ZNF385D: variants seen among roughly 807,000 people sequenced by gnomAD.
ZNF385D encodes the protein zinc finger protein 385D.
In ZNF385D, 15 loss-of-function variants were observed where a neutral mutation model predicts 35.8. The observed-to-expected ratio is 0.42, with a 90% CI of 0.28 to 0.64. The LOEUF is 0.64. ZNF385D is among the 30% of genes least tolerant of loss of function. The pLI, the probability that ZNF385D is intolerant of heterozygous loss-of-function variation, is 0.23. For synonymous variants in ZNF385D, 212 were observed against 186.8 expected, an observed-to-expected ratio of 1.13 and a Z score of -1.10; for missense variants, 474 against 494.6, an observed-to-expected ratio of 0.96 and a Z score of 0.39.
chr3:21,822,238 A>T (rs930934081), intron 3 of ZNF385D, among the ~76,000 whole-genome samples: 6 of 151,552 alleles, frequency 4.0e-5, no homozygotes, highest in Non-Finnish European at 7.4e-5. Context: ...CGCCTGGCTA[A>T]TTTTTTTGTA....
chr3:22,104,485 A>G (rs1352258376), intron 3 of ZNF385D, among the ~76,000 whole-genome samples: 1 of 152,050 alleles, frequency 6.6e-6, no homozygotes, highest in Admixed American at 6.6e-5. Flanking sequence ...CTTCTATTTC[A>G]CTAACTGTAA....
At chr3:22,013,270 A>C (rs1696686776) in intron 3 of ZNF385D, among the ~76,000 whole-genome samples, 1 of 152,190 alleles carries the variant, frequency 6.6e-6, no homozygotes, top group African/African-American at 2.4e-5. Flanking sequence ...AAAATGTAAT[A>C]ATAGTCCAGG....
At chr3:21,935,660 T>C (rs1326146022) in intron 3 of ZNF385D, among the ~76,000 whole-genome samples, 1 of 152,166 alleles carries the variant, frequency 6.6e-6, no homozygotes, top group Non-Finnish European at 1.5e-5. Context: ...GTGACCTTTT[T>C]TTCTTAGCAC....
At chr3:22,255,337 G>A (rs901901820) in intron 2 of ZNF385D, among the ~76,000 whole-genome samples, 5 of 149,344 alleles carry the variant, frequency 3.3e-5, no homozygotes, top group African/African-American at 1.2e-4. Context: ...TTTATTTAAT[G>A]TGGAAATAAT....
chr3:22,370,794 G>A (rs77465124), intron 2 of ZNF385D, among the ~76,000 whole-genome samples: 3,563 of 152,248 alleles, frequency 0.023, 141 homozygotes, highest in African/African-American at 0.081. Flanking sequence ...AGAGTTTGGT[G>A]TTCAGTGAAT....
At chr3:22,188,282 G>A (rs953704467) in intron 2 of ZNF385D, among the ~76,000 whole-genome samples, 2 of 152,152 alleles carry the variant, frequency 1.3e-5, no homozygotes, top group African/African-American at 4.8e-5. Flanking sequence ...GAGAGACTCG[G>A]AGTGGAGAGA....
At chr3:21,753,237 G>A (rs936703671), upstream of ZNF385D, among the ~76,000 whole-genome samples, 2 of 152,168 alleles carry the variant, frequency 1.3e-5, no homozygotes, top group Admixed American at 1.3e-4. Context: ...TCTTAATGAT[G>A]TGATGAGTAA....
chr3:22,124,702 C>T (rs954197556), intron 3 of ZNF385D, among the ~76,000 whole-genome samples: 3 of 152,044 alleles, frequency 2.0e-5, no homozygotes, highest in Non-Finnish European at 2.9e-5. Flanking sequence ...TATTTGTTTG[C>T]TATTTGTATG....
chr3:21,780,752 T>A (rs911481889), intron 3 of ZNF385D, among the ~76,000 whole-genome samples: 10 of 152,088 alleles, frequency 6.6e-5, no homozygotes, highest in African/African-American at 2.4e-4. Context: ...CAAATCATTT[T>A]TGTTCAACTT....
intron 2 of ZNF385D, among the ~76,000 whole-genome samples, chr3:21,567,355 C>T (rs1370020456): frequency 6.6e-6 from 1 of 152,072 alleles, no homozygotes; most frequent in Non-Finnish European, 1.5e-5. Flanking sequence ...AGTCCCTCAC[C>T]CCAGCTAAGC....
At chr3:21,627,447 G>C (rs767086397) in intron 2 of ZNF385D, among the ~76,000 whole-genome samples, 2 of 151,954 alleles carry the variant, frequency 1.3e-5, no homozygotes, top group Non-Finnish European at 2.9e-5. Context: ...TTTTAAATAA[G>C]AGAAGCTGAA....
intron 3 of ZNF385D, among the ~76,000 whole-genome samples, chr3:21,982,916 C>A (rs1175960627): frequency 1.3e-5 from 2 of 151,772 alleles, no homozygotes; most frequent in Middle Eastern, 3.2e-3. Context: ...TATGTTGAAC[C>A]AACTTGCCTT....
At chr3:22,029,231 A>G (rs1021454228) in intron 3 of ZNF385D, among the ~76,000 whole-genome samples, 12 of 152,168 alleles carry the variant, frequency 7.9e-5, no homozygotes, top group Non-Finnish European at 1.8e-4. Flanking sequence ...GGTTTGGGTG[A>G]CTTACTTGCA....
intron 3 of ZNF385D, among the ~76,000 whole-genome samples, chr3:22,042,167 G>C (rs976257370): frequency 2.0e-5 from 3 of 152,038 alleles, no homozygotes; most frequent in African/African-American, 7.2e-5. Flanking sequence ...CTACTACCTG[G>C]ATCCAAACTC....
chr3:21,732,986 T>C (rs1457781200), intron 1 of ZNF385D, among the ~76,000 whole-genome samples: 1 of 152,216 alleles, frequency 6.6e-6, no homozygotes, highest in African/African-American at 2.4e-5. Context: ...CTCTAGATTT[T>C]CTTCTATGTT....
intron 3 of ZNF385D, among the ~76,000 whole-genome samples, chr3:21,893,897 G>A (rs575536441): frequency 2.0e-5 from 3 of 152,048 alleles, no homozygotes; most frequent in East Asian, 3.9e-4. Context: ...TCTTGCAAAC[G>A]GAAAATTATT....
intron 3 of ZNF385D, among the ~76,000 whole-genome samples, chr3:21,808,069 T>A (rs1361843170): frequency 6.6e-6 from 1 of 152,174 alleles, no homozygotes; most frequent in African/African-American, 2.4e-5. Context: ...TGTGATACTA[T>A]AATGAAAAGT....
intron 2 of ZNF385D, among the ~76,000 whole-genome samples, chr3:21,578,573 C>G (rs2063560594): frequency 6.6e-6 from 1 of 152,096 alleles, no homozygotes; most frequent in Non-Finnish European, 1.5e-5. Context: ...TTCCCTGTAT[C>G]ATTTATCTAA....
At chr3:22,313,423 G>C (rs976161393) in intron 2 of ZNF385D, among the ~76,000 whole-genome samples, 1 of 151,682 alleles carries the variant, frequency 6.6e-6, no homozygotes, top group Non-Finnish European at 1.5e-5. Flanking sequence ...AAAAGATGTA[G>C]ATATAACATT....
Sources: allele counts gnomAD v4.1 joint callset (sites outside exome capture counted in the v4.1 genomes callset), GRCh38; gene constraint gnomAD v4.1.1; transcripts MANE v1.5; gene names NCBI Gene and HGNC (gene_info 2026-07-23, HGNC 2026-07-21).